MYT1L: variants seen among roughly 807,000 people sequenced by gnomAD.
The protein encoded by MYT1L is myelin transcription factor 1 like.
In MYT1L, 12 loss-of-function variants were observed where a neutral mutation model predicts 126.7. That is an observed-to-expected ratio of 0.09 (90% CI 0.06 to 0.15). The LOEUF is 0.15. Among genes scored for constraint, MYT1L ranks in the 10% least tolerant of loss-of-function variants. The pLI is 1.00. For missense variants in MYT1L, 979 were observed against 1,585.2 expected (o/e 0.62, Z 6.49); for synonymous variants, 541 against 604.2 (o/e 0.90, Z 1.53).
chr2:2,140,214 A>G (rs1010948128), intron 3 of MYT1L, among the ~76,000 whole-genome samples: 1 of 152,194 alleles, frequency 6.6e-6, no homozygotes. Context: ...AATCATCTCA[A>G]CTTAGATTAA....
rs931857354 is a variant in MYT1L at position 1,912,343 on chromosome 2, C to G, written c.1619-233G>C. On this transcript the variant is annotated intron_variant, in intron 11 of 24. Transcript: ENST00000647738. The surrounding 1 kb of genome is among the most constrained non-coding windows in gnomAD (Gnocchi z 4.3). ...GAAGGTTGACTGGACCCTACAGACC[C>G]TACATGAAAGGCCAGAGAAAGAAGG... Among the ~76,000 whole-genome samples the G allele has an allele frequency of 6.6e-6, 1 of 152,130 alleles. No individual in the cohort carries two copies. Among genetic ancestry groups the G allele is most frequent in the African/African-American group, 2.4e-5 (1 of 41,420 alleles).
At chr2:2,184,550 A>C (rs1354530852) in intron 2 of MYT1L, among the ~76,000 whole-genome samples, 2 of 152,172 alleles carry the variant, frequency 1.3e-5, no homozygotes, top group Non-Finnish European at 2.9e-5. Context: ...GGATGATTTC[A>C]TCAAGTAAAA....
At chr2:2,295,555 GAC>G (rs2095659979) in intron 1 of MYT1L, among the ~76,000 whole-genome samples, 1 of 140,940 alleles carries the variant, frequency 7.1e-6, no homozygotes, top group African/African-American at 2.6e-5. Context: ...GAGAGAGAGA[GAC>G]AGACAGACAG....
intron 19 of MYT1L, among the ~76,000 whole-genome samples, chr2:1,847,936 T>C (rs10865524): frequency 0.48 from 73,505 of 151,928 alleles, 19,944 homozygotes; most frequent in African/African-American, 0.74. Flanking sequence ...CTTCTCTAGG[T>C]GGTTTAGGCA....
chr2:2,181,393 T>C (rs1000860195), intron 2 of MYT1L, among the ~76,000 whole-genome samples: 1 of 152,184 alleles, frequency 6.6e-6, no homozygotes, highest in Admixed American at 6.5e-5. Flanking sequence ...TGAAATCATG[T>C]TACTGATTGC....
At chr2:1,855,901 A>G (rs964123309) in intron 18 of MYT1L, among the ~76,000 whole-genome samples, 3 of 152,184 alleles carry the variant, frequency 2.0e-5, no homozygotes, top group Admixed American at 1.3e-4. Flanking sequence ...AGAAAAAATA[A>G]CTTTTGGTTG....
At chr2:2,056,823 C>T (rs569337743) in intron 3 of MYT1L, among the ~76,000 whole-genome samples, 7 of 152,244 alleles carry the variant, frequency 4.6e-5, no homozygotes, top group African/African-American at 7.2e-5. Context: ...CTGTTCTCAG[C>T]CAAAGTTTTG....
intron 2 of MYT1L, among the ~76,000 whole-genome samples, chr2:2,217,700 C>CAAA (rs1168697652): frequency 1.4e-5 from 1 of 72,686 alleles, no homozygotes; most frequent in Non-Finnish European, 2.6e-5. Flanking sequence ...ACAACAACAA[C>CAAA]AACAACAAAA....
chr2:1,892,064 G>A lies in MYT1L; in HGVS notation c.2256C>T (p.Thr752=). 3.9e-6 allele frequency: 6 copies of A among 1,538,976 alleles called. No homozygotes were observed. The highest frequency in any genetic ancestry group is 5.2e-6 in the Non-Finnish European group (6 of 1,145,232). The part of the protein sequence containing the change: ...RCREMPQNLS[T]KPQDLCATRN... ...GCGTGGCGCACAGGTCCTGCGGCTT[G>A]GTGCTCAGGTTCTGCGGCATCTCGC... Residue 752 remains threonine, a synonymous_variant, in exon 15 of 25, where the codon ACC becomes ACT. Transcript: ENST00000647738.
chr2:2,198,622 G>T (rs933276819), intron 2 of MYT1L, among the ~76,000 whole-genome samples: 6 of 151,994 alleles, frequency 3.9e-5, no homozygotes, highest in African/African-American at 1.4e-4. Context: ...ACTTTGGGAG[G>T]CCTAGGCGAG....
chr2:1,991,175 T>C (rs72767325), intron 5 of MYT1L, among the ~76,000 whole-genome samples: 5,688 of 152,226 alleles, frequency 0.037, 116 homozygotes, highest in Middle Eastern at 0.071. Context: ...GAAGTTTCCA[T>C]TGAAATCTCT....
chr2:2,055,410 T>G (rs2069388555), intron 3 of MYT1L, among the ~76,000 whole-genome samples: 1 of 152,222 alleles, frequency 6.6e-6, no homozygotes, highest in African/African-American at 2.4e-5. Flanking sequence ...TAATTTAAAA[T>G]TTTTTATTTG....
chr2:2,039,062 G>A (rs1002346844), intron 4 of MYT1L, among the ~76,000 whole-genome samples: 1 of 152,148 alleles, frequency 6.6e-6, no homozygotes, highest in African/African-American at 2.4e-5. Context: ...TTCCCGGTAC[G>A]TGGAACAGCA....
intron 14 of MYT1L, among the ~76,000 whole-genome samples, chr2:1,899,022 G>A (rs1296321333): frequency 6.6e-6 from 1 of 152,264 alleles, no homozygotes; most frequent in Non-Finnish European, 1.5e-5. Flanking sequence ...GAATTTGGAA[G>A]CTGGGAATAA....
intron 10 of MYT1L, among the ~76,000 whole-genome samples, chr2:1,919,950 C>A (rs2053358942): frequency 1.4e-5 from 2 of 141,658 alleles, no homozygotes; most frequent in South Asian, 4.4e-4. Flanking sequence ...GATCTCCTGA[C>A]CTCGTGATCC....
In MYT1L at chr2:1,792,333, C is replaced by G. The variant is rs2032272345; in HGVS notation, c.3408G>C (p.Gln1136His). 3.1e-6 allele frequency: 5 copies of G among 1,604,658 alleles called. No individual in the cohort carries two copies. The highest frequency in any genetic ancestry group is 4.3e-6 in the Non-Finnish European group (5 of 1,175,618). The change falls in exon 24 of 25, where the codon CAG becomes CAC. Residue 1136 changes from glutamine (Q) to histidine (H), a missense_variant. By Grantham distance (24) the Gln-to-His change is conservative (BLOSUM62 0). Around this residue, in one of 12 missense-constraint regions of MYT1L, gnomAD observed 179 missense variants for 398.6 expected, o/e 0.45. Coordinates refer to ENST00000647738, the MANE Select transcript of MYT1L (RefSeq NM_001303052.2). ...CTCAGTCACTTACCATGTGCGGCAG[C>G]TGGATGTTAGCCAGGCTGTGGATCA... ...QSLIHSLANI[Q>H]LPHMDPINEQ...
chr2:1,809,250 A>G (rs1452335961), intron 21 of MYT1L, 83 bp from the exon 22 acceptor site: 6 of 1,321,994 alleles, frequency 4.5e-6, no homozygotes, highest in Non-Finnish European at 6.5e-6. Context: ...CAAGGCGTAG[A>G]ATAGCATTAT....
chr2:2,297,276 C>T (rs1378309301), intron 1 of MYT1L, among the ~76,000 whole-genome samples: 1 of 152,232 alleles, frequency 6.6e-6, no homozygotes, highest in Non-Finnish European at 1.5e-5. Context: ...AGTCATTTCT[C>T]CCTGCTCAGC....
chr2:1,939,928 TTA>T lies in MYT1L; in HGVS notation c.505+3052_505+3053del, dbSNP rs377327524. ...TCCAGGAGTCAGGCCTCTCAGGTGATTATGTCTTAGGAGAAATGCATTTGTTT... is the reference window on the plus strand; with the variant it reads ...TCCAGGAGTCAGGCCTCTCAGGTGATTGTCTTAGGAGAAATGCATTTGTTT... On this transcript the variant is annotated intron_variant, in intron 9 of 24. Transcript: ENST00000647738. Among the ~76,000 whole-genome samples, 3 of 152,354 alleles carry T rather than the reference TTA, an allele frequency of 2.0e-5. No individual in the cohort carries two copies. The East Asian group carries it at 5.8e-4, about 29-fold the overall frequency.
Sources: allele counts gnomAD v4.1 joint callset (sites outside exome capture counted in the v4.1 genomes callset), GRCh38; gene constraint gnomAD v4.1.1; regional missense constraint gnomAD v4.1.1; non-coding constraint Gnocchi (gnomAD v3.1); transcripts MANE v1.5; gene names NCBI Gene and HGNC (gene_info 2026-07-23, HGNC 2026-07-21).